The following SLC22A15 variants were observed in gnomAD, a reference collection of about 807,000 sequenced individuals.
SLC22A15 encodes the protein solute carrier family 22 member 15.
A neutral mutation model predicts 62.7 loss-of-function variants in SLC22A15; 45 were observed. The observed-to-expected ratio is 0.72, with a 90% confidence interval of 0.56 to 0.92. The LOEUF (loss-of-function observed/expected upper bound fraction) is 0.92. Among genes scored for constraint, SLC22A15 ranks in the 40% least tolerant of loss-of-function variants. SLC22A15 has a pLI of 0.00. For synonymous variants in SLC22A15, 264 were observed against 267.0 expected (o/e 0.99, Z 0.11); for missense variants, 622 against 665.6 (o/e 0.93, Z 0.72).
chr1:116,000,625 C>CT (rs56303802), intron 2 of SLC22A15, among the ~76,000 whole-genome samples: 522 of 88,220 alleles, frequency 5.9e-3, no homozygotes, highest in African/African-American at 0.019. Context: ...CTTTTTTTTC[C>CT]TTTTTTTTTT....
intron 6 of SLC22A15, chr1:116,032,315 G>T: frequency 1.0e-6 from 1 of 985,398 alleles, no homozygotes; most frequent in Non-Finnish European, 1.2e-6. Flanking sequence ...ACAATTTGTG[G>T]ATTGCACATG....
chr1:116,066,419 G>A, intron 10 of SLC22A15, 101 bp from the exon 11 acceptor site: 1 of 1,047,092 alleles, frequency 9.6e-7, no homozygotes, highest in Non-Finnish European at 1.4e-6. Context: ...TCATGAACTA[G>A]GTGGTAAACA....
chr1:116,023,170 A>G (rs1656924107), intron 4 of SLC22A15, among the ~76,000 whole-genome samples: 1 of 152,182 alleles, frequency 6.6e-6, no homozygotes, highest in Non-Finnish European at 1.5e-5. Flanking sequence ...GCAATATGTA[A>G]AAAACAATAT....
intron 6 of SLC22A15, chr1:116,032,500 T>C: frequency 1.0e-6 from 1 of 985,434 alleles, no homozygotes; most frequent in Non-Finnish European, 1.2e-6. Context: ...AAAGTGATCT[T>C]ATGTATAAAG....
intron 4 of SLC22A15, among the ~76,000 whole-genome samples, chr1:116,022,827 G>A (rs1275059917): frequency 1.3e-5 from 2 of 152,222 alleles, no homozygotes; most frequent in Non-Finnish European, 2.9e-5. Flanking sequence ...GTGAAATTGA[G>A]AGCATGTATG....
intron 2 of SLC22A15, among the ~76,000 whole-genome samples, chr1:116,007,939 A>T (rs1656064341): frequency 6.6e-6 from 1 of 152,144 alleles, no homozygotes; most frequent in Non-Finnish European, 1.5e-5. Context: ...GCAGAGGAGT[A>T]GGGTCCAGGG....
chr1:115,996,104 T>C (rs766664777), intron 2 of SLC22A15, among the ~76,000 whole-genome samples: 31 of 152,216 alleles, frequency 2.0e-4, no homozygotes, highest in Non-Finnish European at 4.3e-4. Flanking sequence ...TCTTATACTA[T>C]GAGTCTTTCA....
In SLC22A15 at chr1:116,063,878, C is replaced by T. The variant is rs76436374; in HGVS notation, c.1293-558C>T. On this transcript the variant is annotated intron_variant, in intron 9 of 11. Transcript: ENST00000369503. ...CCTATCTTTTTTATGCCTGCACTCCCCATAAAGGTGTTCTTGGTTTCCTGA... is the reference window on the plus strand; with the variant it reads ...CCTATCTTTTTTATGCCTGCACTCCTCATAAAGGTGTTCTTGGTTTCCTGA... Among the ~76,000 whole-genome samples the T allele has an allele frequency of 1.4e-4, 22 of 152,254 alleles. 1 individual carries two copies. The East Asian group carries it at 3.7e-3, about 25-fold the overall frequency.
chr1:116,059,705 A>G (rs1212664083), intron 8 of SLC22A15, among the ~76,000 whole-genome samples: 1 of 152,146 alleles, frequency 6.6e-6, no homozygotes, highest in East Asian at 1.9e-4. Context: ...TGTCTTAAAG[A>G]TTTTTAACAT....
intron 8 of SLC22A15, among the ~76,000 whole-genome samples, chr1:116,037,712 A>G (rs867188587): frequency 2.7e-4 from 41 of 152,190 alleles, no homozygotes; most frequent in African/African-American, 9.6e-4. Context: ...AACTTCATCC[A>G]AGGTTGCAAA....
chr1:115,997,585 T>C (rs2101120507), intron 2 of SLC22A15, among the ~76,000 whole-genome samples: 1 of 152,312 alleles, frequency 6.6e-6, no homozygotes, highest in African/African-American at 2.4e-5. Context: ...ATTACTTTCT[T>C]GATTTCTCTT....
At chr1:116,010,861 A>C (rs1044064426) in intron 2 of SLC22A15, among the ~76,000 whole-genome samples, 1 of 152,194 alleles carries the variant, frequency 6.6e-6, no homozygotes, top group Non-Finnish European at 1.5e-5. Flanking sequence ...GGCAGTTATA[A>C]TATGACTTGG....
At chr1:116,011,548 ATAAT>A (rs979706708) in intron 2 of SLC22A15, among the ~76,000 whole-genome samples, 16 of 152,324 alleles carry the variant, frequency 1.1e-4, no homozygotes, top group African/African-American at 3.8e-4. Context: ...AATTCAGCAA[ATAAT>A]TAATTAGTGC....
In SLC22A15 at chr1:116,013,654, T is replaced by C. The variant is rs531101826; in HGVS notation, c.301-5928T>C. 3.3e-5 allele frequency among the ~76,000 whole-genome samples: 5 copies of C among 152,352 alleles called. No individual in the cohort carries two copies. The South Asian group carries it at 8.3e-4, about 25-fold the overall frequency. On this transcript the variant is annotated intron_variant, in intron 2 of 11. Coordinates refer to ENST00000369503, the MANE Select transcript of SLC22A15 (RefSeq NM_018420.3). ...GGTCCATTTTAAAGCAATATTTTGT[T>C]TTTTCAGATTATATTTGTATTTCAG...
intron 1 of SLC22A15, among the ~76,000 whole-genome samples, chr1:115,987,836 A>G (rs1404718618): frequency 6.6e-6 from 1 of 152,190 alleles, no homozygotes; most frequent in African/African-American, 2.4e-5. Context: ...GTTTTATATA[A>G]CATTGAACAA....
chr1:116,039,402 G>A (rs185336005), intron 8 of SLC22A15, among the ~76,000 whole-genome samples: 170 of 152,048 alleles, frequency 1.1e-3, no homozygotes, highest in African/African-American at 3.8e-3. Context: ...GCATGGTGGC[G>A]GGTGCCTGTA....
chr1:115,996,205 A>G lies in SLC22A15; in HGVS notation c.300+3962A>G, dbSNP rs145872492. Among the ~76,000 whole-genome samples the G allele has an allele frequency of 7.9e-5, 12 of 152,354 alleles. No individual in the cohort carries two copies. In the East Asian group the frequency reaches 2.3e-3, roughly 29 times the overall value. Reference sequence around the variant, plus strand: ...AGCATAATTATCTGCAGATTCATCTAGGCTTAGTTTTATTACTGTAGTTAT... The same window carrying G: ...AGCATAATTATCTGCAGATTCATCTGGGCTTAGTTTTATTACTGTAGTTAT... On this transcript the variant is annotated intron_variant, in intron 2 of 11. Coordinates refer to ENST00000369503, the MANE Select transcript of SLC22A15 (RefSeq NM_018420.3).
At chr1:116,063,702 G>T (rs2101574264) in intron 9 of SLC22A15, among the ~76,000 whole-genome samples, 1 of 152,290 alleles carries the variant, frequency 6.6e-6, no homozygotes, top group South Asian at 2.1e-4. Context: ...CTGGCTACTG[G>T]CTATAAAACT....
At chr1:116,031,752 A>G in intron 6 of SLC22A15, 171 bp downstream of exon 6, 1 of 1,433,220 alleles carries the variant, frequency 7.0e-7, no homozygotes, top group Non-Finnish European at 9.1e-7. Context: ...CTGCTTGCGC[A>G]GCCCCGTCTT....
Sources: gnomAD v4.1 joint callset for allele counts (sites outside exome capture counted in the v4.1 genomes callset) on GRCh38, gnomAD v4.1.1 for gene constraint, MANE v1.5 for transcripts, NCBI Gene and HGNC (gene_info 2026-07-23, HGNC 2026-07-21) for gene names.